The following EFEMP1 variants were observed in gnomAD, a reference collection of about 807,000 sequenced individuals.
EFEMP1 encodes the protein EGF-like fibulin extracellular matrix protein 1, also known as EGF-containing fibulin-like extracellular matrix protein 1.
In EFEMP1, 18 loss-of-function variants were observed where a neutral mutation model predicts 65.7. That is an observed-to-expected ratio of 0.27 (90% CI 0.19 to 0.41). The LOEUF (loss-of-function observed/expected upper bound fraction) is 0.41, where lower values mean the gene tolerates loss of function less well. EFEMP1 is among the 10% of genes least tolerant of loss of function. The pLI is 1.00. For synonymous variants in EFEMP1, 237 were observed against 219.7 expected (o/e 1.08, Z -0.70); for missense variants, 469 against 624.8 (o/e 0.75, Z 2.66).
Position 55,871,265 on chromosome 2 carries a change from C to T in EFEMP1, c.1001-142G>A, listed in dbSNP as rs145654150. On this transcript the variant is annotated intron_variant, in intron 9 of 11. Transcript: ENST00000355426. The surrounding 1 kb of genome is among the most constrained non-coding windows in gnomAD (Gnocchi z 4.2). ...GTTCAACCTGCTTTTAGACACAAGA[C>T]TGGGTGTTCATTGTATTGAATTCAG... The T allele has an allele frequency of 1.0e-3, 1,179 of 1,129,474 alleles. 7 individuals carry two copies. In the African/African-American group the frequency reaches 0.014, roughly 13 times the overall value. 70.0% of individuals were successfully genotyped at this position (1,129,474 alleles called of 1,614,324 possible). A position where few individuals can be genotyped will look rare whatever the true frequency, so the allele number is the denominator to read the frequency against.
intron 5 of EFEMP1, among the ~76,000 whole-genome samples, chr2:55,898,837 A>G (rs1177990483): frequency 6.6e-6 from 1 of 152,084 alleles, no homozygotes; most frequent in Non-Finnish European, 1.5e-5. Context: ...AAACAGTGAC[A>G]CTGGGACTGG....
At chr2:55,888,331 A>T (rs1321889978) in intron 5 of EFEMP1, among the ~76,000 whole-genome samples, 1 of 127,012 alleles carries the variant, frequency 7.9e-6, no homozygotes, top group Non-Finnish European at 1.7e-5. Context: ...TTTCCTTCTT[A>T]AACTTTTTTT....
intron 5 of EFEMP1, among the ~76,000 whole-genome samples, chr2:55,889,837 T>A (rs373773217): frequency 4.3e-4 from 57 of 131,306 alleles, no homozygotes; most frequent in Admixed American, 1.2e-3. Context: ...AAAAAAAAAA[T>A]AAAACTACAA....
chr2:55,892,760 A>G (rs1335136077), intron 5 of EFEMP1, among the ~76,000 whole-genome samples: 5 of 152,138 alleles, frequency 3.3e-5, no homozygotes, highest in African/African-American at 4.8e-5. Flanking sequence ...CAAGCCAGTT[A>G]TGCAGTTGAT....
intron 5 of EFEMP1, among the ~76,000 whole-genome samples, chr2:55,897,667 T>C (rs927935960): frequency 2.0e-5 from 3 of 152,220 alleles, no homozygotes; most frequent in Admixed American, 6.5e-5. Flanking sequence ...TGTTCTTAAA[T>C]TCTTGTTTTA....
chr2:55,904,792 G>A (rs1249542270), intron 5 of EFEMP1, among the ~76,000 whole-genome samples: 1 of 152,098 alleles, frequency 6.6e-6, no homozygotes, highest in African/African-American at 2.4e-5. Flanking sequence ...GACAGCAGAT[G>A]ATGAGACTTC....
intron 5 of EFEMP1, among the ~76,000 whole-genome samples, chr2:55,903,540 C>G (rs1572832538): frequency 6.6e-6 from 1 of 152,232 alleles, no homozygotes; most frequent in Non-Finnish European, 1.5e-5. Context: ...TACCCAGAAT[C>G]AGAATTTTCA....
At chr2:55,887,965 G>A (rs1050330570) in intron 5 of EFEMP1, among the ~76,000 whole-genome samples, 65 of 152,256 alleles carry the variant, frequency 4.3e-4, no homozygotes, top group African/African-American at 1.4e-3. Context: ...CCCCCCTCAC[G>A]TAGCTTCCTC....
intron 3 of EFEMP1, among the ~76,000 whole-genome samples, chr2:55,920,471 G>C (rs888031733): frequency 2.6e-5 from 4 of 152,216 alleles, no homozygotes; most frequent in African/African-American, 9.7e-5. Flanking sequence ...TAGTTGTTGA[G>C]TAAACAGCTG....
chr2:55,902,832 A>G (rs1047761591), intron 5 of EFEMP1, among the ~76,000 whole-genome samples: 3 of 152,226 alleles, frequency 2.0e-5, no homozygotes, highest in African/African-American at 7.2e-5. Context: ...AATGCCATCC[A>G]AAAGGCAAAA....
intron 7 of EFEMP1, among the ~76,000 whole-genome samples, 161 bp from the exon 8 acceptor site, chr2:55,876,903 A>T (rs1669060556): frequency 6.6e-6 from 1 of 152,082 alleles, no homozygotes; most frequent in South Asian, 2.1e-4. Flanking sequence ...AGCTCACTGG[A>T]GAACATCCAT....
In EFEMP1 at chr2:55,881,740, A is replaced by G. The variant is rs1318924644; in HGVS notation, c.518-6T>C. The G allele has an allele frequency of 1.2e-6, 2 of 1,613,774 alleles. No individual in the cohort carries two copies. The highest frequency in any genetic ancestry group is 8.5e-7 in the Non-Finnish European group (1 of 1,179,840). The stretch of plus-strand genomic sequence containing the variant: ...TGCAGTGCACTCGTCTATGTCTGTC[A>G]GAGACATGCAACACAGAAAGAATTG... On this transcript the variant is annotated splice_polypyrimidine_tract_variant and splice_region_variant and intron_variant, in intron 5 of 11. Coordinates refer to ENST00000355426, the MANE Select transcript of EFEMP1 (RefSeq NM_001039348.3).
intron 5 of EFEMP1, among the ~76,000 whole-genome samples, chr2:55,908,031 C>G (rs2104437606): frequency 6.6e-6 from 1 of 152,274 alleles, no homozygotes; most frequent in East Asian, 1.9e-4. Flanking sequence ...TCTCAGTAAG[C>G]TCTGTTCTTT....
At chr2:55,878,675 A>G (rs908327485) in intron 6 of EFEMP1, among the ~76,000 whole-genome samples, 1 of 152,140 alleles carries the variant, frequency 6.6e-6, no homozygotes, top group African/African-American at 2.4e-5. Flanking sequence ...AAACAAAACA[A>G]AACAAACCTT....
rs565571280 is a variant in EFEMP1 at position 55,898,830 on chromosome 2, C to T, written c.518-17096G>A. On this transcript the variant is annotated intron_variant, in intron 5 of 11. Coordinates refer to ENST00000355426, the MANE Select transcript of EFEMP1 (RefSeq NM_001039348.3). ...AGTACCTGCCTTGCCTCAACCCAAA[C>T]AGTGACACTGGGACTGGGGTGGGGA... 2.6e-5 allele frequency among the ~76,000 whole-genome samples: 4 copies of T among 152,260 alleles called. No individual in the cohort carries two copies. The South Asian group carries it at 8.3e-4, about 32-fold the overall frequency.
At chr2:55,869,474 A>G (rs913607777) in intron 11 of EFEMP1, among the ~76,000 whole-genome samples, 4 of 152,150 alleles carry the variant, frequency 2.6e-5, no homozygotes, top group Non-Finnish European at 5.9e-5. Flanking sequence ...ATTGTAATAG[A>G]TTGCATTTTG....
At chr2:55,908,541 A>G (rs1048231931) in intron 5 of EFEMP1, among the ~76,000 whole-genome samples, 4 of 152,142 alleles carry the variant, frequency 2.6e-5, no homozygotes, top group African/African-American at 9.7e-5. Flanking sequence ...ATAGTTAATA[A>G]TAATATGGTG....
In EFEMP1 at chr2:55,871,264, A is replaced by C; in HGVS notation, c.1001-141T>G. ...TGTTCAACCTGCTTTTAGACACAAG[A>C]CTGGGTGTTCATTGTATTGAATTCA... is the stretch of plus-strand genomic sequence containing the variant. On this transcript the variant is annotated intron_variant, in intron 9 of 11. Transcript: ENST00000355426. This position sits in a 1 kb window ranked among gnomAD's most constrained non-coding sequence, Gnocchi z 4.2. 1 of 1,132,092 alleles carries C rather than the reference A, an allele frequency of 8.8e-7. No homozygotes were observed. The highest frequency in any genetic ancestry group is 1.3e-6 in the Non-Finnish European group (1 of 772,816). 70.1% of individuals were successfully genotyped at this position (1,132,092 alleles called of 1,614,324 possible). A position where few individuals can be genotyped will look rare whatever the true frequency, so the allele number is the denominator to read the frequency against.
At chr2:55,895,390 A>T (rs1669782836) in intron 5 of EFEMP1, among the ~76,000 whole-genome samples, 1 of 152,132 alleles carries the variant, frequency 6.6e-6, no homozygotes, top group African/African-American at 2.4e-5. Context: ...CGTGCAACAC[A>T]TTCTTGCCAC....
Sources: gnomAD v4.1 joint callset for allele counts (sites outside exome capture counted in the v4.1 genomes callset) on GRCh38, gnomAD v4.1.1 for gene constraint, Gnocchi (gnomAD v3.1) non-coding constraint, MANE v1.5 for transcripts, NCBI Gene and HGNC (gene_info 2026-07-23, HGNC 2026-07-21) for gene names.